The following PRELID2 variants were observed in gnomAD, a reference collection of about 807,000 sequenced individuals.
PRELID2 encodes PRELI domain containing 2.
In PRELID2, 25 loss-of-function variants were observed where a neutral mutation model predicts 28.4. The observed-to-expected ratio is 0.88, with a 90% CI of 0.64 to 1.23. The LOEUF is 1.23. Ranked by LOEUF, PRELID2 falls within the 50% of genes most tolerant of loss-of-function variation. The probability of loss-of-function intolerance (pLI) is 0.00; values close to 1 mark genes in which losing one functional copy is unlikely to be tolerated. For missense variants in PRELID2, 201 were observed against 214.4 expected (o/e 0.94, Z 0.39); for synonymous variants, 76 against 71.6 (o/e 1.06, Z -0.31).
intron 1 of PRELID2, among the ~76,000 whole-genome samples, chr5:145,720,917 GA>G (rs1465317044): frequency 2.6e-5 from 4 of 151,980 alleles, no homozygotes; most frequent in Admixed American, 1.3e-4. Flanking sequence ...GAGGACCTCA[GA>G]AAGTTTTTGT....
chr5:145,408,417 A>ATG, the PRELID2 span, among the ~76,000 whole-genome samples: 1 of 137,328 alleles, frequency 7.3e-6, no homozygotes, highest in Admixed American at 7.4e-5. Flanking sequence ...ATATATATAT[A>ATG]TGTATAATAT....
the PRELID2 span, among the ~76,000 whole-genome samples, chr5:145,372,983 ATAT>A: frequency 4.6e-5 from 4 of 86,504 alleles, no homozygotes; most frequent in Non-Finnish European, 8.7e-5. Flanking sequence ...AATATATATG[ATAT>A]TATATATTAC....
chr5:145,553,019 AT>A (rs750636370), intron 1 of PRELID2, among the ~76,000 whole-genome samples: 5 of 152,216 alleles, frequency 3.3e-5, no homozygotes, highest in Non-Finnish European at 7.3e-5. Flanking sequence ...TTTTGCAGAT[AT>A]TTCCCAAGGT....
chr5:145,348,626 A>G, the PRELID2 span, among the ~76,000 whole-genome samples: 1 of 151,422 alleles, frequency 6.6e-6, no homozygotes, highest in Non-Finnish European at 1.5e-5. Flanking sequence ...ATTTTTTTCT[A>G]TTATAAATTG....
At chr5:145,806,469 T>C (rs1037128927) in intron 4 of PRELID2, among the ~76,000 whole-genome samples, 16 of 152,228 alleles carry the variant, frequency 1.1e-4, no homozygotes, top group African/African-American at 3.9e-4. Flanking sequence ...TGCCATCTCC[T>C]ATGATAACAA....
chr5:145,766,278 G>A (rs1321002536), intron 5 of PRELID2, among the ~76,000 whole-genome samples: 2 of 152,136 alleles, frequency 1.3e-5, no homozygotes, highest in East Asian at 3.9e-4. Flanking sequence ...AGATCCCCAG[G>A]CCCCTCCCAG....
intron 4 of PRELID2, among the ~76,000 whole-genome samples, chr5:145,802,437 C>T (rs747256553): frequency 2.6e-5 from 4 of 151,744 alleles, no homozygotes; most frequent in Non-Finnish European, 4.4e-5. Flanking sequence ...GACTAGCGCA[C>T]GGTAGGAAAT....
chr5:145,799,041 T>TATATAA (rs1489125050), intron 4 of PRELID2, among the ~76,000 whole-genome samples: 27 of 149,808 alleles, frequency 1.8e-4, no homozygotes, highest in African/African-American at 6.6e-4. Flanking sequence ...TATATATATA[T>TATATAA]AAAAGACTCA....
At chr5:145,375,355 T>C in the PRELID2 span, among the ~76,000 whole-genome samples, 9 of 152,218 alleles carry the variant, frequency 5.9e-5, no homozygotes, top group African/African-American at 1.4e-4. Context: ...TACTCCTTCT[T>C]CAGGAATCTC....
At chr5:145,334,966 G>A in the PRELID2 span, among the ~76,000 whole-genome samples, 1 of 151,684 alleles carries the variant, frequency 6.6e-6, no homozygotes, top group South Asian at 2.1e-4. Context: ...TACGTTCTTG[G>A]GTTGGGGACC....
intron 1 of PRELID2, among the ~76,000 whole-genome samples, chr5:145,608,040 G>GTTT (rs112958431): frequency 0.032 from 4,423 of 136,872 alleles, 223 homozygotes; most frequent in African/African-American, 0.1. Flanking sequence ...TTTAAAGCCC[G>GTTT]TTTTTTTTTT....
chr5:145,826,010 G>C lies in PRELID2; in HGVS notation c.76-2876C>G, dbSNP rs1365225285. 3.0e-6 allele frequency: 3 copies of C among 985,090 alleles called. No individual in the cohort carries two copies. In the Admixed American group the frequency reaches 1.8e-4, roughly 61 times the overall value. The allele number at this position is 985,090 out of a possible 1,614,324, so 61.0% of individuals were successfully genotyped here. A position where few individuals can be genotyped will look rare whatever the true frequency, so the allele number is the denominator to read the frequency against. ...CAGGAACACTTACCTGGGAAGACAG[G>C]AGGCAGATGGCCAGGTTTTTCTGGA... On this transcript the variant is annotated intron_variant, in intron 1 of 6. Transcript: ENST00000683046.
intron 1 of PRELID2, among the ~76,000 whole-genome samples, chr5:145,636,295 T>G (rs917658691): frequency 2.0e-5 from 3 of 152,240 alleles, no homozygotes; most frequent in Non-Finnish European, 4.4e-5. Context: ...CCATAGCACA[T>G]GCTCAATGCC....
chr5:145,345,346 A>T, the PRELID2 span, among the ~76,000 whole-genome samples: 1 of 151,890 alleles, frequency 6.6e-6, no homozygotes, highest in African/African-American at 2.4e-5. Flanking sequence ...CTGATTGATG[A>T]CCACAGACTC....
intron 1 of PRELID2, among the ~76,000 whole-genome samples, chr5:145,686,393 G>A: frequency 6.6e-6 from 1 of 151,980 alleles, no homozygotes; most frequent in East Asian, 1.9e-4. Flanking sequence ...TCATTAATAA[G>A]ATGCATAATA....
At chr5:145,292,989 G>A in the PRELID2 span, among the ~76,000 whole-genome samples, 11 of 151,952 alleles carry the variant, frequency 7.2e-5, no homozygotes, top group Non-Finnish European at 1.3e-4. Flanking sequence ...CTAAAGTGCT[G>A]GGATTACAGG....
intron 1 of PRELID2, among the ~76,000 whole-genome samples, chr5:145,481,970 C>G (rs1289724604): frequency 6.6e-6 from 1 of 152,176 alleles, no homozygotes; most frequent in Non-Finnish European, 1.5e-5. Flanking sequence ...CGAACTCCAA[C>G]ACTTCATTCA....
the PRELID2 span, among the ~76,000 whole-genome samples, chr5:145,254,236 A>G: frequency 6.6e-6 from 1 of 152,218 alleles, no homozygotes; most frequent in Non-Finnish European, 1.5e-5. Flanking sequence ...TATTATGTAA[A>G]TATCCATGTT....
the PRELID2 span, among the ~76,000 whole-genome samples, chr5:145,421,199 T>A: frequency 6.6e-6 from 1 of 150,582 alleles, no homozygotes; most frequent in Non-Finnish European, 1.5e-5. Context: ...ATTCTCTTTT[T>A]TTGTTGTGTC....
Sources: allele counts gnomAD v4.1 joint callset (sites outside exome capture counted in the v4.1 genomes callset), GRCh38; gene constraint gnomAD v4.1.1; transcripts MANE v1.5; gene names NCBI Gene and HGNC (gene_info 2026-07-23, HGNC 2026-07-21).